Variants in SNX9 observed in about 807,000 individuals in gnomAD.
SNX9 encodes sorting nexin-9.
Under a neutral mutation model 89.4 loss-of-function variants are expected in SNX9, and 44 were observed. The ratio of observed to expected loss-of-function variants is 0.49; its 90% CI spans 0.39 to 0.63. The LOEUF is 0.63. Ranked by LOEUF, SNX9 falls within the 30% of genes least tolerant of loss-of-function variation. The pLI is 0.00. For missense variants in SNX9, 578 were observed against 736.1 expected, an observed-to-expected ratio of 0.79 and a Z score of 2.49; for synonymous variants, 236 against 247.8, an observed-to-expected ratio of 0.95 and a Z score of 0.45.
intron 9 of SNX9, among the ~76,000 whole-genome samples, chr6:157,914,464 T>TTTTTC (rs1240786619): frequency 1.7e-5 from 2 of 118,718 alleles, no homozygotes; most frequent in African/African-American, 6.8e-5. Context: ...TGTCATTTTC[T>TTTTTC]TTTTCTTTTT....
intron 1 of SNX9, among the ~76,000 whole-genome samples, chr6:157,857,343 G>GT (rs1183944381): frequency 3.3e-5 from 5 of 152,012 alleles, no homozygotes; most frequent in Non-Finnish European, 5.9e-5. Flanking sequence ...TGGGATTCTT[G>GT]TTTTTTCCCA....
At position 157,910,030 on chromosome 6, in the gene SNX9, G is replaced by A; in HGVS notation, c.949+5G>A. 6.2e-7 allele frequency: 1 copy of A among 1,604,810 alleles called. No homozygotes were observed. The highest frequency in any genetic ancestry group is 2.2e-5 in the East Asian group (1 of 44,810). On this transcript the variant is annotated splice_donor_5th_base_variant and intron_variant, in intron 9 of 17. Transcript: ENST00000392185. ...TTCCAGACAAACAAGTCACAGGTGA[G>A]TGTGTGTAATGCTAAACCCAGGATG... is the stretch of plus-strand genomic sequence containing the variant.
chr6:157,836,108 T>G (rs946273773), intron 1 of SNX9, among the ~76,000 whole-genome samples: 1 of 151,824 alleles, frequency 6.6e-6, no homozygotes, highest in Non-Finnish European at 1.5e-5. Context: ...ATATTTAATT[T>G]TTTGTTTGTT....
chr6:157,938,555 A>G (rs757521053), intron 15 of SNX9, 78 bp from the exon 16 acceptor site: 58 of 920,022 alleles, frequency 6.3e-5, no homozygotes, highest in Middle Eastern at 2.2e-4. Context: ...GTTATAGAAT[A>G]TATTAGCATT....
chr6:157,934,609 T>C (rs1369350659), intron 13 of SNX9, among the ~76,000 whole-genome samples: 2 of 152,256 alleles, frequency 1.3e-5, no homozygotes, highest in East Asian at 1.9e-4. Flanking sequence ...GTCAATATCA[T>C]GTTGGTATTG....
In SNX9 at chr6:157,921,654, A is replaced by C; in HGVS notation, c.1073A>C (p.Asp358Ala). ...EVFQQFLNFR[D>A]EKEWKTGKRK... Reference sequence around the variant, plus strand: ...TTCCAGCAGTTCCTAAATTTCCGAGATGAGAAGGTAGGACATTGTGTTAAT... The same window carrying C: ...TTCCAGCAGTTCCTAAATTTCCGAGCTGAGAAGGTAGGACATTGTGTTAAT... The change falls in exon 10 of 18, where the codon GAT becomes GCT. Residue 358 changes from aspartate to alanine, a missense_variant. By Grantham distance (126) the Asp-to-Ala change is moderately radical (BLOSUM62 -2). This residue lies in a region of SNX9 where 348 missense variants were observed against 491.4 expected (regional missense o/e 0.71). Coordinates refer to ENST00000392185, the MANE Select transcript of SNX9 (RefSeq NM_016224.5). The C allele has an allele frequency of 6.2e-7, 1 of 1,613,938 alleles. No homozygotes were observed. Among genetic ancestry groups the C allele is most frequent in the Non-Finnish European group, 8.5e-7 (1 of 1,179,840 alleles).
At chr6:157,896,319 A>G (rs1386323722) in intron 4 of SNX9, among the ~76,000 whole-genome samples, 2 of 152,248 alleles carry the variant, frequency 1.3e-5, no homozygotes, top group Non-Finnish European at 2.9e-5. Context: ...CCTACTTAAA[A>G]ATACAACAGA....
intron 1 of SNX9, among the ~76,000 whole-genome samples, chr6:157,835,762 C>T (rs1781570252): frequency 6.6e-6 from 1 of 152,106 alleles, no homozygotes; most frequent in East Asian, 1.9e-4. Context: ...CTTGCTTCCC[C>T]TTCACTTTCC....
chr6:157,901,291 C>A (rs1177585837), intron 5 of SNX9, among the ~76,000 whole-genome samples: 3 of 152,206 alleles, frequency 2.0e-5, no homozygotes, highest in African/African-American at 4.8e-5. Flanking sequence ...AGCCCATAGG[C>A]TACCTTTTCA....
chr6:157,878,532 A>G (rs958890506), intron 4 of SNX9, among the ~76,000 whole-genome samples: 3 of 151,488 alleles, frequency 2.0e-5, no homozygotes, highest in African/African-American at 7.3e-5. Flanking sequence ...TCCTGGGTTC[A>G]AATGATTCTC....
chr6:157,909,871 G>C (rs1181704169), intron 8 of SNX9, 37 bp from the exon 9 acceptor site: 1 of 1,611,550 alleles, frequency 6.2e-7, no homozygotes, highest in South Asian at 1.1e-5. Context: ...TTCTAGAGTT[G>C]GCATTGGTAA....
chr6:157,922,108 A>G (rs888991324), intron 10 of SNX9, among the ~76,000 whole-genome samples: 1 of 152,164 alleles, frequency 6.6e-6, no homozygotes, highest in Non-Finnish European at 1.5e-5. Context: ...GAGCCAGGCC[A>G]TTTTCATCAC....
intron 7 of SNX9, among the ~76,000 whole-genome samples, chr6:157,907,575 C>T (rs6903697): frequency 0.21 from 32,687 of 152,142 alleles, 3,587 homozygotes; most frequent in Non-Finnish European, 0.23. Flanking sequence ...TGAGCCACTG[C>T]GCCCGGCCTG....
intron 1 of SNX9, among the ~76,000 whole-genome samples, chr6:157,827,474 T>TTA (rs1781393278): frequency 3.5e-5 from 1 of 28,800 alleles, no homozygotes; most frequent in Non-Finnish European, 4.8e-5. Flanking sequence ...AACTTATAGT[T>TTA]TATATAATAT....
chr6:157,892,318 G>A (rs893209086), intron 4 of SNX9, among the ~76,000 whole-genome samples: 2 of 152,176 alleles, frequency 1.3e-5, no homozygotes, highest in Admixed American at 1.3e-4. Context: ...CAGTTAAGAG[G>A]GGAAGGGACC....
intron 1 of SNX9, among the ~76,000 whole-genome samples, chr6:157,831,493 G>T (rs1055417414): frequency 6.6e-6 from 1 of 152,178 alleles, no homozygotes; most frequent in Non-Finnish European, 1.5e-5. Context: ...TTGCACACAG[G>T]TTTTCCTCTT....
rs746909411 is a variant in SNX9, at chr6:157,894,106, C to CTTTT, written c.301-2703_301-2700dup. Among the ~76,000 whole-genome samples the CTTTT allele has an allele frequency of 1.3e-3, 118 of 89,522 alleles. 4 individuals are homozygous for CTTTT. Among genetic ancestry groups the CTTTT allele is most frequent in the African/African-American group, 2.2e-3 (49 of 21,988 alleles). 58.7% of individuals were successfully genotyped at this position (89,522 alleles called of 152,430 possible). ...TTCTTTTTCTTTTCGCTTTTCTTTT[C>CTTTT]TTTTTTTTTTTTTTTTTTTTTGAGA... On this transcript the variant is annotated intron_variant, in intron 4 of 17. Coordinates refer to ENST00000392185, the MANE Select transcript of SNX9 (RefSeq NM_016224.5).
intron 1 of SNX9, among the ~76,000 whole-genome samples, chr6:157,841,565 G>T (rs1186660346): frequency 6.6e-6 from 1 of 152,150 alleles, no homozygotes; most frequent in Non-Finnish European, 1.5e-5. Context: ...GCCCATGTGG[G>T]GTGTGGGGAT....
chr6:157,908,570 G>T (rs1448842321), intron 7 of SNX9, among the ~76,000 whole-genome samples: 1 of 152,162 alleles, frequency 6.6e-6, no homozygotes, highest in African/African-American at 2.4e-5. Flanking sequence ...GAGACTATTG[G>T]TGACTCAGGT....
Sources: allele counts gnomAD v4.1 joint callset (sites outside exome capture counted in the v4.1 genomes callset), GRCh38; gene constraint gnomAD v4.1.1; regional missense constraint gnomAD v4.1.1; transcripts MANE v1.5; gene names NCBI Gene and HGNC (gene_info 2026-07-23, HGNC 2026-07-21).